Variants in TTC21A observed in about 807,000 individuals in gnomAD.
TTC21A encodes the protein tetratricopeptide repeat protein 21A.
A neutral mutation model predicts 156.4 loss-of-function variants in TTC21A; 128 were observed. The ratio of observed to expected loss-of-function variants is 0.82; its 90% CI spans 0.71 to 0.95. TTC21A has a LOEUF of 0.95. TTC21A is among the 40% of genes least tolerant of loss of function. TTC21A has a pLI of 0.00. For synonymous variants in TTC21A, 587 were observed against 617.1 expected, an observed-to-expected ratio of 0.95 and a Z score of 0.72; for missense variants, 1,435 against 1,602.3, an observed-to-expected ratio of 0.90 and a Z score of 1.78.
chr3:39,113,156 TA>T (rs1214532471), intron 5 of TTC21A, among the ~76,000 whole-genome samples: 2 of 152,092 alleles, frequency 1.3e-5, no homozygotes, highest in African/African-American at 2.4e-5. Context: ...AACAGAAGCC[TA>T]AAAAAAGTCA....
rs749174691 is a variant in TTC21A at position 39,125,562 on chromosome 3, G to A, written c.1392+30G>A. On this transcript the variant is annotated intron_variant, in intron 11 of 28. Transcript: ENST00000683103. ...GGGGAAGGCCTGTCTTCATGGTGGGGGTCTGGAGTACAGGTTTGGATGGTG... is the reference window on the plus strand; with the variant it reads ...GGGGAAGGCCTGTCTTCATGGTGGGAGTCTGGAGTACAGGTTTGGATGGTG... 5 of 1,517,368 alleles carry A rather than the reference G, an allele frequency of 3.3e-6. No homozygotes were observed. The African/African-American group carries it at 5.5e-5, about 17-fold the overall frequency. 94.0% of individuals were successfully genotyped at this position (1,517,368 alleles called of 1,614,324 possible). A position where few individuals can be genotyped will look rare whatever the true frequency, so the allele number is the denominator to read the frequency against.
intron 2 of TTC21A, 65 bp downstream of exon 2, chr3:39,109,279 C>T: frequency 1.9e-6 from 3 of 1,546,270 alleles, no homozygotes; most frequent in East Asian, 2.3e-5. Flanking sequence ...ACTCTGGCTC[C>T]ACCTGGATGC....
rs943605331 is a variant in TTC21A, at chr3:39,137,583, C to A, written c.3548C>A (p.Thr1183Asn). 9 of 1,614,242 alleles carry A rather than the reference C, an allele frequency of 5.6e-6. No individual in the cohort carries two copies. Among genetic ancestry groups the A allele is most frequent in the Non-Finnish European group, 7.6e-6 (9 of 1,180,030 alleles). The change falls in exon 26 of 29, where the codon ACC becomes AAC. Residue 1183 changes from threonine (T) to asparagine (N), a missense_variant. Thr to Asn is a moderately conservative substitution (Grantham distance 65). Transcript: ENST00000683103. ...ATGCAGTTGAAGCGCCTGGCCAAGA[C>A]CCCCTGGGTGCTGAGTGAGGCTGAG... ...ARMQLKRLAK[T>N]PWVLSEAEDL...
Position 39,136,407 on chromosome 3 carries a change from A to C in TTC21A, c.2995A>C (p.Lys999Gln). ...KLIDLLRRSG[K>Q]LEDIPAFFEL... is the part of the protein sequence containing the mutation. ...AATCGATCTGCTAAGAAGAAGTGGA[A>C]AACTTGAAGACATTCCTGCCTTCTT... Residue 999 changes from lysine to glutamine, a missense_variant, in exon 23 of 29, where the codon AAA becomes CAA. Physicochemically the swap from Lys to Gln is moderately conservative, Grantham distance 53 (BLOSUM62 1). Transcript: ENST00000683103. The C allele has an allele frequency of 6.2e-7, 1 of 1,614,122 alleles. No homozygotes were observed.
chr3:39,112,206 T>G (rs933710856), intron 4 of TTC21A, among the ~76,000 whole-genome samples: 1 of 151,762 alleles, frequency 6.6e-6, no homozygotes, highest in Non-Finnish European at 1.5e-5. Context: ...TGAGGCTGAG[T>G]TGTAAGTAGT....
intron 25 of TTC21A, 42 bp from the exon 26 acceptor site, chr3:39,137,444 C>T (rs759673326): frequency 1.2e-5 from 20 of 1,611,402 alleles, no homozygotes; most frequent in Non-Finnish European, 1.4e-5. Context: ...GAAGACCAGG[C>T]GGCCAACACG....
rs1324804905 is a variant in TTC21A, at chr3:39,107,775, CCTCGG to C, written c.-62_-58del. 8 of 1,608,130 alleles carry C rather than the reference CCTCGG, an allele frequency of 5.0e-6. No homozygotes were observed. Among genetic ancestry groups the C allele is most frequent in the African/African-American group, 2.7e-5 (2 of 74,884 alleles). On this transcript the variant is annotated 5_prime_UTR_variant, in exon 1 of 29. Coordinates refer to ENST00000683103, the MANE Select transcript of TTC21A (RefSeq NM_001366900.1). ...CCGCGATAGAGTGCCCACGACCCTG[CCTCGG>C]GAATCCCGCTCTGCACCGCCCCACC...
At chr3:39,119,213 A>G (rs913796597) in intron 7 of TTC21A, 6 of 152,220 alleles carry the variant, frequency 3.9e-5, no homozygotes, top group African/African-American at 1.2e-4. Flanking sequence ...CTTACTGAAC[A>G]GAGTGGACCC....
intron 6 of TTC21A, among the ~76,000 whole-genome samples, chr3:39,116,724 C>A (rs2037320697): frequency 6.6e-6 from 1 of 152,176 alleles, no homozygotes; most frequent in Non-Finnish European, 1.5e-5. Context: ...CTTGCCTCGG[C>A]TTCCAAAAGT....
Position 39,130,072 on chromosome 3 carries a change from C to G in TTC21A, c.2136-7C>G. On this transcript the variant is annotated splice_polypyrimidine_tract_variant and splice_region_variant and intron_variant, in intron 15 of 28. Coordinates refer to ENST00000683103, the MANE Select transcript of TTC21A (RefSeq NM_001366900.1). This position sits in a 1 kb window ranked among gnomAD's most constrained non-coding sequence, Gnocchi z 4.5. The stretch of plus-strand genomic sequence containing the variant: ...TGGGATAAGCTTTTGGTTACTCTTG[C>G]TTGCAGTGAGCTCTGTGAACATCTG... 1 of 1,614,036 alleles carries G rather than the reference C, an allele frequency of 6.2e-7. No homozygotes were observed. The highest frequency in any genetic ancestry group is 1.3e-5 in the African/African-American group (1 of 75,050).
rs530880014 is a variant in TTC21A at position 39,121,305 on chromosome 3, T to G, written c.1093+116T>G. 421 of 877,302 alleles carry G rather than the reference T, an allele frequency of 4.8e-4. 2 individuals carry two copies. In the African/African-American group the frequency reaches 6.1e-3, roughly 13 times the overall value. The allele number at this position is 877,302 out of a possible 1,614,324, so 54.3% of individuals were successfully genotyped here. A position where few individuals can be genotyped will look rare whatever the true frequency, so the allele number is the denominator to read the frequency against. Reference sequence around the variant, plus strand: ...TTCTCCTTGAAGGGTATGTGAATTTTGGGGTACAATGTATGATGGGGTATC... The same window carrying G: ...TTCTCCTTGAAGGGTATGTGAATTTGGGGGTACAATGTATGATGGGGTATC... On this transcript the variant is annotated intron_variant, in intron 9 of 28. Coordinates refer to ENST00000683103, the MANE Select transcript of TTC21A (RefSeq NM_001366900.1).
chr3:39,122,392 G>A lies in TTC21A; in HGVS notation c.1093+1203G>A, dbSNP rs536723663. 2.6e-5 allele frequency among the ~76,000 whole-genome samples: 4 copies of A among 152,108 alleles called. No homozygotes were observed. The South Asian group carries it at 6.2e-4, about 24-fold the overall frequency. ...GAAGAATTTCACATTTCTAGAAGAT[G>A]GAAGGCAAATGGTGTCAAATACATG... is the stretch of plus-strand genomic sequence containing the variant. On this transcript the variant is annotated intron_variant, in intron 9 of 28. Coordinates refer to ENST00000683103, the MANE Select transcript of TTC21A (RefSeq NM_001366900.1).
At position 39,137,422 on chromosome 3, in the gene TTC21A, TGGCAGGGCCGAGAAGACCAGGC is replaced by T. The variant is rs759455116; in HGVS notation, c.3450+39_3451-39del. ...GTGGGGACTGGCGGGCATGGGCAGG[TGGCAGGGCCGAGAAGACCAGGC>T]GGCCAACACGTGCTGACGTCCACTT... On this transcript the variant is annotated intron_variant, in intron 25 of 28. Coordinates refer to ENST00000683103, the MANE Select transcript of TTC21A (RefSeq NM_001366900.1). 11 of 1,608,392 alleles carry T rather than the reference TGGCAGGGCCGAGAAGACCAGGC, an allele frequency of 6.8e-6. No individual in the cohort carries two copies. The South Asian group carries it at 1.2e-4, about 18-fold the overall frequency.
rs1161995653 is a variant in TTC21A at position 39,130,495 on chromosome 3, CA to C, written c.2319+139del. The stretch of plus-strand genomic sequence containing the variant: ...CTCAGCTCCTTGCTGAATGGGGTGC[CA>C]AGGGGAGAACTCAGCAACTCTCTGC... On this transcript the variant is annotated intron_variant, in intron 17 of 28. Transcript: ENST00000683103. The surrounding 1 kb of genome is among the most constrained non-coding windows in gnomAD (Gnocchi z 4.5). 3.2e-6 allele frequency: 3 copies of C among 933,454 alleles called. No individual in the cohort carries two copies. Among genetic ancestry groups the C allele is most frequent in the Non-Finnish European group, 1.6e-6 (1 of 620,740 alleles). The allele number at this position is 933,454 out of a possible 1,614,324, so 57.8% of individuals were successfully genotyped here. A position where few individuals can be genotyped will look rare whatever the true frequency, so the allele number is the denominator to read the frequency against.
intron 12 of TTC21A, 84 bp downstream of exon 12, chr3:39,126,474 CTACACACA>C: frequency 3.7e-6 from 3 of 815,596 alleles, no homozygotes; most frequent in Non-Finnish European, 5.7e-6. Flanking sequence ...GCCTAGGATA[CTACACACA>C]CACACACACA....
At chr3:39,124,381 C>T (rs1426571633) in intron 9 of TTC21A, among the ~76,000 whole-genome samples, 1 of 151,988 alleles carries the variant, frequency 6.6e-6, no homozygotes, top group Non-Finnish European at 1.5e-5. Flanking sequence ...AGATTGTGGC[C>T]AGGCGCAGTG....
chr3:39,127,113 C>T (rs533107767), intron 12 of TTC21A, among the ~76,000 whole-genome samples: 2 of 152,244 alleles, frequency 1.3e-5, no homozygotes, highest in South Asian at 4.1e-4. Context: ...AGGCCCAGAC[C>T]CTGGAGAGAA....
intron 4 of TTC21A, among the ~76,000 whole-genome samples, 186 bp downstream of exon 4, chr3:39,111,203 T>C (rs2036798405): frequency 6.6e-6 from 1 of 152,192 alleles, no homozygotes; most frequent in African/African-American, 2.4e-5. Context: ...GGTTACACAT[T>C]GGCATTTGTA....
At chr3:39,107,938 T>TA in intron 1 of TTC21A, 74 bp downstream of exon 1, 1 of 1,561,208 alleles carries the variant, frequency 6.4e-7, no homozygotes, top group Non-Finnish European at 8.8e-7. Context: ...TCTGCCCTGC[T>TA]ACTCTCCTGC....
Sources: gnomAD v4.1 joint callset for allele counts (sites outside exome capture counted in the v4.1 genomes callset) on GRCh38, gnomAD v4.1.1 for gene constraint, Gnocchi (gnomAD v3.1) non-coding constraint, MANE v1.5 for transcripts, NCBI Gene and HGNC (gene_info 2026-07-23, HGNC 2026-07-21) for gene names.